Variants in DDX25 observed in about 807,000 individuals in gnomAD.
DDX25 encodes the protein ATP-dependent RNA helicase DDX25.
DDX25 carries 70 observed loss-of-function variants against 64.6 expected under a neutral mutation model. The ratio of observed to expected loss-of-function variants is 1.08; its 90% CI spans 0.89 to 1.32. The LOEUF (loss-of-function observed/expected upper bound fraction) is 1.32, where lower values mean the gene tolerates loss of function less well. Ranked by LOEUF, DDX25 falls within the 40% of genes most tolerant of loss-of-function variation. The pLI, the probability that DDX25 is intolerant of heterozygous loss-of-function variation, is 0.00. For missense variants in DDX25, 587 were observed against 604.4 expected (o/e 0.97, Z 0.30); for synonymous variants, 211 against 213.3 (o/e 0.99, Z 0.09).
Position 125,925,773 on chromosome 11 carries a change from G to A in DDX25, c.*2892G>A. 5.1e-6 allele frequency: 1 copy of A among 194,794 alleles called. No homozygotes were observed. Among genetic ancestry groups the A allele is most frequent in the Non-Finnish European group, 1.1e-5 (1 of 91,590 alleles). The allele number at this position is 194,794 out of a possible 1,614,324, so 12.1% of individuals were successfully genotyped here. On this transcript the variant is annotated 3_prime_UTR_variant, in exon 12 of 12. Transcript: ENST00000263576. ...GAACACGGCTGCTATGATGTTAGGT[G>A]CTGGATCTAAGGCAACCATTAATAA...
intron 8 of DDX25, among the ~76,000 whole-genome samples, chr11:125,913,351 T>C (rs929773306): frequency 6.6e-6 from 1 of 152,064 alleles, no homozygotes; most frequent in Non-Finnish European, 1.5e-5. Context: ...TGGAGTATAT[T>C]TTCTAATGCC....
chr11:125,904,652 G>C, intron 1 of DDX25, 72 bp downstream of exon 1: 2 of 1,412,968 alleles, frequency 1.4e-6, no homozygotes, highest in Non-Finnish European at 1.9e-6. Context: ...GATCGGCTGG[G>C]AGGGGAGGGA....
Position 125,906,219 on chromosome 11 carries a change from T to G in DDX25, c.311+10T>G. 3 of 1,530,648 alleles carry G rather than the reference T, an allele frequency of 2.0e-6. No individual in the cohort carries two copies. The highest frequency in any genetic ancestry group is 2.6e-6 in the Non-Finnish European group (3 of 1,141,180). The allele number at this position is 1,530,648 out of a possible 1,614,324, so 94.8% of individuals were successfully genotyped here. The stretch of plus-strand genomic sequence containing the variant: ...TTGAAGAGCTGCGGCTGTGAGTATT[T>G]TTACTCTTTTAATATGGGAAAAATG... On this transcript the variant is annotated intron_variant, in intron 4 of 11. Transcript: ENST00000263576.
chr11:125,921,094 C>T lies in DDX25; in HGVS notation c.1202-97C>T, dbSNP rs184747925. 5.5e-5 allele frequency: 71 copies of T among 1,284,342 alleles called. No individual in the cohort carries two copies. The East Asian group carries it at 1.7e-3, about 30-fold the overall frequency. 79.6% of individuals were successfully genotyped at this position (1,284,342 alleles called of 1,614,324 possible). A position where few individuals can be genotyped will look rare whatever the true frequency, so the allele number is the denominator to read the frequency against. On this transcript the variant is annotated intron_variant, in intron 10 of 11. Coordinates refer to ENST00000263576, the MANE Select transcript of DDX25 (RefSeq NM_013264.5). The surrounding 1 kb of genome is among the most constrained non-coding windows in gnomAD (Gnocchi z 4.1). ...AGCCCTGGTTGGATTTCTAAATTTT[C>T]TCTATAAATAGGAATTCCCTTGGCA...
rs1565464779 is a variant in DDX25 at position 125,911,295 on chromosome 11, AC to A, written c.623-13del. On this transcript the variant is annotated splice_polypyrimidine_tract_variant and intron_variant, in intron 7 of 11. Coordinates refer to ENST00000263576, the MANE Select transcript of DDX25 (RefSeq NM_013264.5). ...GTTTGCATCTGAAGGAGTGCTTAAA[AC>A]CCTTTTCTCCCCAGTTCCCAGAGGC... The A allele has an allele frequency of 2.5e-6, 4 of 1,601,942 alleles. No individual in the cohort carries two copies. Among genetic ancestry groups the A allele is most frequent in the African/African-American group, 1.3e-5 (1 of 74,590 alleles).
intron 8 of DDX25, among the ~76,000 whole-genome samples, chr11:125,912,591 A>G (rs1944980577): frequency 6.6e-6 from 1 of 152,210 alleles, no homozygotes; most frequent in African/African-American, 2.4e-5. Flanking sequence ...AAAAGTCCAT[A>G]TACATTCGGT....
At chr11:125,904,302 TCCGCCCCGCTCTCTGCC>T, upstream of DDX25, 2 of 103,510 alleles carry the variant, frequency 1.9e-5, no homozygotes, top group Non-Finnish European at 3.3e-5. Flanking sequence ...CTCTCTGCCC[TCCGCCCCGCTCTCTGCC>T]CCCCGCCCCG....
upstream of DDX25, among the ~76,000 whole-genome samples, chr11:125,904,158 G>A (rs1289830299): frequency 6.6e-6 from 1 of 152,210 alleles, no homozygotes; most frequent in Non-Finnish European, 1.5e-5. Context: ...GGGGAGTCCG[G>A]GGGGCTCCCG....
At position 125,923,459 on chromosome 11, in the gene DDX25, T is replaced by C. The variant is rs1945138403; in HGVS notation, c.*578T>C. ...TTAATGTTTCAAGGGACATACAGAA[T>C]TTCAGAGTATTTTTCTATTTTGCTT... On this transcript the variant is annotated 3_prime_UTR_variant, in exon 12 of 12. Coordinates refer to ENST00000263576, the MANE Select transcript of DDX25 (RefSeq NM_013264.5). 1 of 152,226 alleles carries C rather than the reference T, an allele frequency of 6.6e-6. No homozygotes were observed. The highest frequency in any genetic ancestry group is 2.4e-5 in the African/African-American group (1 of 41,448). 9.4% of individuals were successfully genotyped at this position (152,226 alleles called of 1,614,324 possible).
chr11:125,905,580 A>T lies in DDX25; in HGVS notation c.158A>T (p.Asp53Val), dbSNP rs752871622. ...GGTTCTATTAATAACATCAATGAAG[A>T]TGATGAAGAAGATGTAGGTAGGAGA... Reference protein sequence around the residue: ...IDGSINNINEDDEEDVVDLAA... With the variant: ...IDGSINNINEVDEEDVVDLAA... Residue 53 changes from aspartate (D) to valine (V), a missense_variant, in exon 3 of 12, where the codon GAT becomes GTT. Coordinates refer to ENST00000263576, the MANE Select transcript of DDX25 (RefSeq NM_013264.5). 4.5e-6 allele frequency: 7 copies of T among 1,551,600 alleles called. No homozygotes were observed. Among genetic ancestry groups the T allele is most frequent in the Middle Eastern group, 1.7e-4 (1 of 5,994 alleles).
chr11:125,916,933 G>C, intron 8 of DDX25, 81 bp from the exon 9 acceptor site: 1 of 1,357,284 alleles, frequency 7.4e-7, no homozygotes, highest in South Asian at 1.3e-5. Context: ...TGCGTGCAGC[G>C]GCTGATGGCA....
chr11:125,905,850 G>C (rs1944876509), intron 3 of DDX25, among the ~76,000 whole-genome samples: 1 of 152,176 alleles, frequency 6.6e-6, no homozygotes, highest in South Asian at 2.1e-4. Context: ...GATGGACTTA[G>C]GCTACTTTGA....
intron 10 of DDX25, among the ~76,000 whole-genome samples, chr11:125,920,301 G>A (rs372829957): frequency 6.6e-6 from 1 of 152,274 alleles, no homozygotes; most frequent in East Asian, 1.9e-4. Flanking sequence ...GCCAGCCATG[G>A]TGATGGGCAC....
At chr11:125,915,487 C>G (rs890982299) in intron 8 of DDX25, among the ~76,000 whole-genome samples, 8 of 152,294 alleles carry the variant, frequency 5.3e-5, no homozygotes, top group Non-Finnish European at 1.0e-4. Flanking sequence ...GGTTTTCTTT[C>G]CTTATGTATT....
intron 9 of DDX25, among the ~76,000 whole-genome samples, chr11:125,917,724 G>A (rs1281732141): frequency 6.6e-6 from 1 of 152,090 alleles, no homozygotes; most frequent in Non-Finnish European, 1.5e-5. Context: ...CACTGCACTA[G>A]ACCAGCACCT....
Position 125,923,272 on chromosome 11 carries a change from G to A in DDX25, c.*391G>A, listed in dbSNP as rs1032751072. On this transcript the variant is annotated 3_prime_UTR_variant, in exon 12 of 12. Transcript: ENST00000263576. ...GCGGAGCGAGTAGGAAAAAGCCCATGTCTTCAGACCTCACTCACAGGTGCC... is the reference window on the plus strand; with the variant it reads ...GCGGAGCGAGTAGGAAAAAGCCCATATCTTCAGACCTCACTCACAGGTGCC... 7 of 170,376 alleles carry A rather than the reference G, an allele frequency of 4.1e-5. No homozygotes were observed. Among genetic ancestry groups the A allele is most frequent in the African/African-American group, 1.7e-4 (7 of 42,014 alleles). 10.6% of individuals were successfully genotyped at this position (170,376 alleles called of 1,614,324 possible).
At position 125,910,466 on chromosome 11, in the gene DDX25, C is replaced by A. The variant is rs766855126; in HGVS notation, c.610C>A (p.Arg204=). The A allele has an allele frequency of 1.2e-6, 2 of 1,613,840 alleles. No homozygotes were observed. The highest frequency in any genetic ancestry group is 1.7e-6 in the Non-Finnish European group (2 of 1,179,830). The change falls in exon 7 of 12, where the codon CGA becomes AGA. Residue 204 remains arginine, a synonymous_variant. Transcript: ENST00000263576. ...GGATGTTCAAGTGATGTATGCCATT[C>A]GAGGGAATCGAAGTATGTACCAGTA... ...CVDVQVMYAI[R]GNRIPRGTDI... is the part of the protein sequence containing the mutation.
chr11:125,910,382 A>G lies in DDX25; in HGVS notation c.526A>G (p.Thr176Ala), dbSNP rs575511229. ...CCCACAGTGCCTCTGCCTAGCTCCT[A>G]CTTATGAATTGGCTCTGCAAACTGG... is the stretch of plus-strand genomic sequence containing the variant. ...LFPQCLCLAP[T>A]YELALQTGRV... Residue 176 changes from threonine (T) to alanine (A), a missense_variant, in exon 7 of 12, where the codon ACT becomes GCT. Transcript: ENST00000263576. 61 of 1,613,840 alleles carry G rather than the reference A, an allele frequency of 3.8e-5. No homozygotes were observed. Among genetic ancestry groups the G allele is most frequent in the East Asian group, 6.7e-5 (3 of 44,884 alleles).
chr11:125,912,275 C>T (rs1478445723), intron 8 of DDX25, among the ~76,000 whole-genome samples: 1 of 152,122 alleles, frequency 6.6e-6, no homozygotes, highest in African/African-American at 2.4e-5. Context: ...AAAACACCAC[C>T]CATTCTACCT....
Sources: gnomAD v4.1 joint callset for allele counts (sites outside exome capture counted in the v4.1 genomes callset) on GRCh38, gnomAD v4.1.1 for gene constraint, Gnocchi (gnomAD v3.1) non-coding constraint, MANE v1.5 for transcripts, NCBI Gene and HGNC (gene_info 2026-07-23, HGNC 2026-07-21) for gene names.